XPO4: variants seen among roughly 807,000 people sequenced by gnomAD.
XPO4 encodes the protein exportin-4.
A neutral mutation model predicts 143.0 loss-of-function variants in XPO4; 39 were observed. The observed-to-expected ratio is 0.27, with a 90% CI of 0.21 to 0.36. The LOEUF (loss-of-function observed/expected upper bound fraction) is 0.36. Among genes scored for constraint, XPO4 ranks in the 10% least tolerant of loss-of-function variants. The pLI is 1.00. For synonymous variants in XPO4, 439 were observed against 474.0 expected (o/e 0.93, Z 0.96); for missense variants, 907 against 1,348.0 (o/e 0.67, Z 5.12).
chr13:20,862,121 CATTTG>C (rs1390531929), intron 3 of XPO4, among the ~76,000 whole-genome samples: 2 of 152,066 alleles, frequency 1.3e-5, no homozygotes, highest in African/African-American at 4.8e-5. Flanking sequence ...ATATATGTAA[CATTTG>C]ATTTGTTAGT....
chr13:20,809,873 C>A lies in XPO4; in HGVS notation c.1268G>T (p.Gly423Val). ...TTGAACTGCATGTTGGGTAAAAAAG[C>A]CTTTATGGAAATGTTTGTCATCTTG... ...LVQDDKHFHKGFFTQHAVQVF... is the reference protein window; with the variant it reads ...LVQDDKHFHKVFFTQHAVQVF... Residue 423 changes from glycine to valine, a missense_variant, in exon 10 of 23, where the codon GGC (glycine) becomes GTC (valine). By Grantham distance (109) the Gly-to-Val change is moderately radical (BLOSUM62 -3). Coordinates refer to ENST00000255305, the MANE Select transcript of XPO4 (RefSeq NM_022459.5). The A allele has an allele frequency of 6.2e-7, 1 of 1,613,726 alleles. No homozygotes were observed. The highest frequency in any genetic ancestry group is 8.5e-7 in the Non-Finnish European group (1 of 1,179,804).
chr13:20,794,341 AATG>A (rs71775922), intron 18 of XPO4, among the ~76,000 whole-genome samples: 36,496 of 152,000 alleles, frequency 0.24, 5,970 homozygotes, highest in East Asian at 0.8. Context: ...AATCCAAGAA[AATG>A]ATGATACTAT....
chr13:20,810,004 A>T, intron 9 of XPO4, 37 bp from the exon 10 acceptor site: 1 of 1,539,230 alleles, frequency 6.5e-7, no homozygotes, highest in Non-Finnish European at 8.8e-7. Flanking sequence ...AAATGTCCAG[A>T]GAACGACAAT....
At chr13:20,901,949 T>C (rs1313934175) in intron 1 of XPO4, among the ~76,000 whole-genome samples, 1 of 152,268 alleles carries the variant, frequency 6.6e-6, no homozygotes, top group Non-Finnish European at 1.5e-5. Flanking sequence ...TTTTATCCTT[T>C]GACTCGGCCT....
rs1394286254 is a variant in XPO4, at chr13:20,803,729, C to T, written c.1818-2739G>A. Among the ~76,000 whole-genome samples the T allele has an allele frequency of 1.3e-5, 2 of 152,150 alleles. No homozygotes were observed. Among genetic ancestry groups the T allele is most frequent in the Non-Finnish European group, 2.9e-5 (2 of 68,020 alleles). ...CCTCATCCCCCCACCAAAGCTATCGCCCTGCCCTCCTGGGTCACACACCAG... is the reference window on the plus strand; with the variant it reads ...CCTCATCCCCCCACCAAAGCTATCGTCCTGCCCTCCTGGGTCACACACCAG... On this transcript the variant is annotated intron_variant, in intron 13 of 22. Coordinates refer to ENST00000255305, the MANE Select transcript of XPO4 (RefSeq NM_022459.5). This position sits in a 1 kb window ranked among gnomAD's most constrained non-coding sequence, Gnocchi z 4.1.
chr13:20,902,000 T>C (rs2060624397), intron 1 of XPO4: 1 of 831,552 alleles, frequency 1.2e-6, no homozygotes, highest in Non-Finnish European at 1.5e-6. Flanking sequence ...AAACTGCTTA[T>C]TGTAGTGTAA....
intron 9 of XPO4, among the ~76,000 whole-genome samples, chr13:20,810,725 C>T (rs953085694): frequency 1.3e-5 from 2 of 152,094 alleles, no homozygotes; most frequent in African/African-American, 4.8e-5. Flanking sequence ...GCTAAATAGG[C>T]CTCTCTCCAC....
At chr13:20,856,448 C>A (rs2138103573) in intron 3 of XPO4, 1 of 656,696 alleles carries the variant, frequency 1.5e-6, no homozygotes, top group East Asian at 1.4e-4. Flanking sequence ...ACTTAATTGA[C>A]TTTTCACAAT....
Position 20,873,255 on chromosome 13 carries a change from G to A in XPO4, c.70-4554C>T, listed in dbSNP as rs568391875. On this transcript the variant is annotated intron_variant, in intron 1 of 22. Transcript: ENST00000255305. The stretch of plus-strand genomic sequence containing the variant: ...AGTTGCCTTCAGTTCACAAAATCTG[G>A]AGAACACGATCACTGTTCTAGGGGC... Among the ~76,000 whole-genome samples, 33 of 152,164 alleles carry A rather than the reference G, an allele frequency of 2.2e-4. No individual in the cohort carries two copies. The South Asian group carries it at 6.8e-3, about 32-fold the overall frequency.
At chr13:20,851,427 A>G (rs1294002075) in intron 4 of XPO4, 1 of 985,168 alleles carries the variant, frequency 1.0e-6, no homozygotes, top group East Asian at 1.1e-4. Context: ...TAAAAATTTG[A>G]CTTTAGGCCA....
intron 9 of XPO4, among the ~76,000 whole-genome samples, chr13:20,811,126 G>A (rs1487993010): frequency 6.6e-6 from 1 of 152,106 alleles, no homozygotes; most frequent in Non-Finnish European, 1.5e-5. Context: ...GGTGGACCTG[G>A]AGCAGAGAGT....
chr13:20,800,862 T>C lies in XPO4; in HGVS notation c.1946A>G (p.Tyr649Cys), dbSNP rs2059423879. 6.2e-7 allele frequency: 1 copy of C among 1,613,884 alleles called. No individual in the cohort carries two copies. The highest frequency in any genetic ancestry group is 1.7e-5 in the Admixed American group (1 of 59,992). Residue 649 changes from tyrosine to cysteine, a missense_variant, in exon 14 of 23, where the codon TAT becomes TGT. Coordinates refer to ENST00000255305, the MANE Select transcript of XPO4 (RefSeq NM_022459.5). ...ATACAGTTTTTCATCCACCAGGAGA[T>C]AAGTCTTTGCCCAGCGTTTTAAAAA... is the stretch of plus-strand genomic sequence containing the variant. ...VWFLKRWAKT[Y>C]LLVDEKLYDQ...
chr13:20,834,158 T>C (rs1312977824), intron 6 of XPO4, among the ~76,000 whole-genome samples: 1 of 152,148 alleles, frequency 6.6e-6, no homozygotes, highest in East Asian at 1.9e-4. Context: ...GATACTTTCA[T>C]AAATCACCTG....
Position 20,800,903 on chromosome 13 carries a change from G to C in XPO4, c.1905C>G (p.Gly635=), listed in dbSNP as rs201144627. Reference sequence around the variant, plus strand: ...GTTTTAAAAACCAAACAATATCTTTGCCCATCTGGGGACTTAGTAGATGAG... The same window carrying C: ...GTTTTAAAAACCAAACAATATCTTTCCCCATCTGGGGACTTAGTAGATGAG... ...DLTHLLSPQM[G]KDIVWFLKRW... The change falls in exon 14 of 23, where the codon GGC becomes GGG. Residue 635 remains glycine, a synonymous_variant. Coordinates refer to ENST00000255305, the MANE Select transcript of XPO4 (RefSeq NM_022459.5). 82 of 1,613,996 alleles carry C rather than the reference G, an allele frequency of 5.1e-5. No homozygotes were observed. In the African/African-American group the frequency reaches 9.3e-4, roughly 18 times the overall value.
At chr13:20,790,386 G>T in intron 19 of XPO4, 76 bp downstream of exon 19, 1 of 1,147,854 alleles carries the variant, frequency 8.7e-7, no homozygotes, top group Non-Finnish European at 1.3e-6. Context: ...TTAAATCACA[G>T]ATATATTCTT....
chr13:20,806,842 C>T (rs557821619), intron 13 of XPO4, among the ~76,000 whole-genome samples: 313 of 152,066 alleles, frequency 2.1e-3, no homozygotes, highest in Non-Finnish European at 3.1e-3. Flanking sequence ...TGAGCCACTG[C>T]GCCTGGCCGG....
In XPO4 at chr13:20,796,746, A is replaced by C; in HGVS notation, c.2616+18T>G. ...AAAGAGTTTTAATCCTGAGGGGATA[A>C]AATTAGAAAGTGCTTACCTCTCCAA... On this transcript the variant is annotated intron_variant, in intron 17 of 22. Coordinates refer to ENST00000255305, the MANE Select transcript of XPO4 (RefSeq NM_022459.5). 6.5e-7 allele frequency: 1 copy of C among 1,549,164 alleles called. No individual in the cohort carries two copies. The highest frequency in any genetic ancestry group is 1.3e-5 in the South Asian group (1 of 77,844).
At position 20,828,692 on chromosome 13, in the gene XPO4, C is replaced by T. The variant is rs191124498; in HGVS notation, c.728-1513G>A. On this transcript the variant is annotated intron_variant, in intron 6 of 22. Transcript: ENST00000255305. ...TCAAATCTGGTTCATTTAAACTTCCCTTCTCTCTTCCTTTATCTGCCCCCT... is the reference window on the plus strand; with the variant it reads ...TCAAATCTGGTTCATTTAAACTTCCTTTCTCTCTTCCTTTATCTGCCCCCT... Among the ~76,000 whole-genome samples, 6 of 152,232 alleles carry T rather than the reference C, an allele frequency of 3.9e-5. No individual in the cohort carries two copies. In the East Asian group the frequency reaches 1.2e-3, roughly 29 times the overall value.
At chr13:20,866,112 G>GC in intron 2 of XPO4, 1 of 985,120 alleles carries the variant, frequency 1.0e-6, no homozygotes. Context: ...GAACTCACTT[G>GC]TTTTTTTAAA....
Sources: gnomAD v4.1 joint callset for allele counts (sites outside exome capture counted in the v4.1 genomes callset) on GRCh38, gnomAD v4.1.1 for gene constraint, Gnocchi (gnomAD v3.1) non-coding constraint, MANE v1.5 for transcripts, NCBI Gene and HGNC (gene_info 2026-07-23, HGNC 2026-07-21) for gene names.